Variants in DOCK1 observed in about 807,000 individuals in gnomAD.
DOCK1 encodes dedicator of cytokinesis protein 1.
DOCK1 carries 138 observed loss-of-function variants against 262.7 expected under a neutral mutation model. The ratio of observed to expected loss-of-function variants is 0.53; its 90% confidence interval spans 0.46 to 0.61. The LOEUF (loss-of-function observed/expected upper bound fraction) is 0.61. DOCK1 is among the 20% of genes least tolerant of loss of function. The probability of loss-of-function intolerance (pLI) is 0.00; values close to 1 mark genes in which losing one functional copy is unlikely to be tolerated. For missense variants in DOCK1, 1,908 were observed against 2,370.7 expected, an observed-to-expected ratio of 0.80 and a Z score of 4.05; for synonymous variants, 866 against 867.4, an observed-to-expected ratio of 1.00 and a Z score of 0.03.
chr10:127,145,679 C>T (rs376749054), intron 27 of DOCK1, among the ~76,000 whole-genome samples: 10 of 152,178 alleles, frequency 6.6e-5, no homozygotes, highest in African/African-American at 2.4e-4. Context: ...GGTGACGTCC[C>T]GGGCTCCCAG....
chr10:127,197,008 G>A (rs1350794635), intron 27 of DOCK1, among the ~76,000 whole-genome samples: 2 of 152,158 alleles, frequency 1.3e-5, no homozygotes, highest in East Asian at 3.9e-4. Flanking sequence ...GGCTTGAAGG[G>A]TGCGTGTCTT....
chr10:127,057,307 G>C (rs2045227583), intron 22 of DOCK1, among the ~76,000 whole-genome samples: 1 of 152,120 alleles, frequency 6.6e-6, no homozygotes, highest in Admixed American at 6.6e-5. Flanking sequence ...ATAAACTTTT[G>C]AGATCTTATT....
intron 46 of DOCK1, 98 bp downstream of exon 46, chr10:127,419,847 C>A: frequency 7.8e-7 from 1 of 1,287,940 alleles, no homozygotes; most frequent in South Asian, 1.3e-5. Flanking sequence ...GGTCCCTGGG[C>A]TGCAGTCCTG....
At chr10:127,344,102 T>C (rs2063535464) in intron 31 of DOCK1, 1 of 193,162 alleles carries the variant, frequency 5.2e-6, no homozygotes, top group African/African-American at 2.3e-5. Flanking sequence ...TGATGAAAGC[T>C]CTTGGCTCTA....
At chr10:127,040,655 A>G (rs1467538729) in intron 19 of DOCK1, among the ~76,000 whole-genome samples, 1 of 152,198 alleles carries the variant, frequency 6.6e-6, no homozygotes, top group Non-Finnish European at 1.5e-5. Context: ...GGTGTTGGGA[A>G]GAGGCTGCAC....
chr10:126,971,439 G>T (rs1441467961), intron 2 of DOCK1, among the ~76,000 whole-genome samples: 1 of 152,140 alleles, frequency 6.6e-6, no homozygotes, highest in Non-Finnish European at 1.5e-5. Context: ...TTGAGACAGG[G>T]TCTTGCTCCA....
chr10:127,068,918 AACTT>A (rs1423640627), intron 23 of DOCK1, among the ~76,000 whole-genome samples: 2 of 152,236 alleles, frequency 1.3e-5, no homozygotes, highest in African/African-American at 2.4e-5. Context: ...GCTGTATGAT[AACTT>A]ACTTAACCAG....
At chr10:126,948,499 A>G (rs904687210) in intron 1 of DOCK1, among the ~76,000 whole-genome samples, 1 of 151,792 alleles carries the variant, frequency 6.6e-6, no homozygotes, top group Non-Finnish European at 1.5e-5. Context: ...TGAAGGTGGT[A>G]ATACTGTCCA....
At position 127,314,328 on chromosome 10, in the gene DOCK1, G is replaced by A. The variant is rs192613750; in HGVS notation, c.3045-24678G>A. Among the ~76,000 whole-genome samples, 477 of 152,300 alleles carry A rather than the reference G, an allele frequency of 3.1e-3. 6 individuals are homozygous for A. Among genetic ancestry groups the A allele is most frequent in the African/African-American group, 0.011 (468 of 41,564 alleles). The stretch of plus-strand genomic sequence containing the variant: ...TTCTCAACTACACACTGAAGAAGGG[G>A]AAAATGAATCATAAAGGACTACCTG... On this transcript the variant is annotated intron_variant, in intron 29 of 51. Coordinates refer to ENST00000623213, the MANE Select transcript of DOCK1 (RefSeq NM_001290223.2).
At chr10:127,385,781 T>C (rs1191961486) in intron 38 of DOCK1, among the ~76,000 whole-genome samples, 1 of 152,194 alleles carries the variant, frequency 6.6e-6, no homozygotes, top group Non-Finnish European at 1.5e-5. Context: ...GCTGGCGGTC[T>C]CTGGCACTGG....
intron 49 of DOCK1, among the ~76,000 whole-genome samples, chr10:127,442,765 G>A (rs1408998597): frequency 2.6e-5 from 4 of 152,216 alleles, no homozygotes; most frequent in Admixed American, 2.6e-4. Context: ...AGCACAGCTG[G>A]GAATAATTCT....
intron 27 of DOCK1, among the ~76,000 whole-genome samples, chr10:127,155,873 G>A (rs2052993621): frequency 6.6e-6 from 1 of 152,192 alleles, no homozygotes; most frequent in Admixed American, 6.5e-5. Flanking sequence ...TGCTGGCAAT[G>A]GCACGGTCCA....
At chr10:127,365,065 T>A (rs542894759) in intron 33 of DOCK1, among the ~76,000 whole-genome samples, 1 of 152,300 alleles carries the variant, frequency 6.6e-6, no homozygotes, top group Non-Finnish European at 1.5e-5. Flanking sequence ...TAATGTTCTT[T>A]CTGTTTGATA....
At chr10:127,352,300 G>A (rs1365156845) in intron 31 of DOCK1, among the ~76,000 whole-genome samples, 1 of 118,742 alleles carries the variant, frequency 8.4e-6, no homozygotes, top group Non-Finnish European at 1.8e-5. Flanking sequence ...TCGGGGAGGG[G>A]TGAAGAGGAG....
Position 127,357,091 on chromosome 10 carries a change from T to G in DOCK1, c.3283+2364T>G, listed in dbSNP as rs576907179. On this transcript the variant is annotated intron_variant, in intron 32 of 51. Transcript: ENST00000623213. The stretch of plus-strand genomic sequence containing the variant: ...ACTGCAGCCACCATTTGACTCACCC[T>G]GGCCCCTGAGCACCCCCAGGATCCT... 4.6e-5 allele frequency among the ~76,000 whole-genome samples: 7 copies of G among 152,292 alleles called. No homozygotes were observed. The East Asian group carries it at 1.4e-3, about 29-fold the overall frequency.
chr10:127,078,825 T>C (rs928618359), intron 23 of DOCK1, among the ~76,000 whole-genome samples: 21 of 152,170 alleles, frequency 1.4e-4, no homozygotes, highest in Admixed American at 1.4e-3. Flanking sequence ...GCGAAGTAAC[T>C]CAGGAATGGA....
Position 127,415,228 on chromosome 10 carries a change from C to T in DOCK1, c.4505C>T (p.Ser1502Phe), listed in dbSNP as rs749672814. 2 of 1,613,428 alleles carry T rather than the reference C, an allele frequency of 1.2e-6. No individual in the cohort carries two copies. The highest frequency in any genetic ancestry group is 1.7e-6 in the Non-Finnish European group (2 of 1,179,630). ...ATTTTAAGGTGGTTTGAGGTCAAGT[C>T]TGTTTTCATGGTAAGGATGGCCCCA... ...PGILRWFEVK[S>F]VFMVEISPLE... The change falls in exon 44 of 52, where the codon TCT becomes TTT. Residue 1502 changes from serine (S) to phenylalanine (F), a missense_variant. By Grantham distance (155) the Ser-to-Phe change is radical (BLOSUM62 -2). This residue lies in a region of DOCK1 where 57 missense variants were observed against 103.1 expected (regional missense o/e 0.55). Transcript: ENST00000623213.
At position 127,063,180 on chromosome 10, in the gene DOCK1, T is replaced by C. The variant is rs193165830; in HGVS notation, c.2445+1404T>C. On this transcript the variant is annotated intron_variant, in intron 23 of 51. Transcript: ENST00000623213. Reference sequence around the variant, plus strand: ...TAGCTTACATCTTTCACTCGACTGATCATGGTAGACGCCTCTGTTCTTCCT... The same window carrying C: ...TAGCTTACATCTTTCACTCGACTGACCATGGTAGACGCCTCTGTTCTTCCT... Among the ~76,000 whole-genome samples, 280 of 152,348 alleles carry C rather than the reference T, an allele frequency of 1.8e-3. 1 individual carries two copies. Among genetic ancestry groups the C allele is most frequent in the South Asian group, 0.016 (79 of 4,828 alleles).
chr10:127,129,613 T>C (rs867625939), intron 27 of DOCK1, among the ~76,000 whole-genome samples: 1 of 152,212 alleles, frequency 6.6e-6, no homozygotes, highest in Non-Finnish European at 1.5e-5. Context: ...TGTCCAGCGT[T>C]GACCCCTGAC....
Sources: allele counts gnomAD v4.1 joint callset (sites outside exome capture counted in the v4.1 genomes callset), GRCh38; gene constraint gnomAD v4.1.1; regional missense constraint gnomAD v4.1.1; transcripts MANE v1.5; gene names NCBI Gene and HGNC (gene_info 2026-07-23, HGNC 2026-07-21).